The following DYSF variants were observed in gnomAD, a reference collection of about 807,000 sequenced individuals.
DYSF encodes the protein dysferlin.
A neutral mutation model predicts 274.9 loss-of-function variants in DYSF; 212 were observed. The ratio of observed to expected loss-of-function variants is 0.77; its 90% CI spans 0.69 to 0.86. The LOEUF (loss-of-function observed/expected upper bound fraction) is 0.86. Among genes scored for constraint, DYSF ranks in the 40% least tolerant of loss-of-function variants. DYSF has a pLI of 0.00. For missense variants in DYSF, 2,666 were observed against 2,783.2 expected (o/e 0.96, Z 0.95); for synonymous variants, 1,091 against 1,078.7 (o/e 1.01, Z -0.22).
At chr2:71,527,093 G>C (rs1320659244) in intron 13 of DYSF, among the ~76,000 whole-genome samples, 1 of 152,194 alleles carries the variant, frequency 6.6e-6, no homozygotes, top group African/African-American at 2.4e-5. Context: ...AATTCCCTGG[G>C]AAGATTCAAA....
rs200789688 is a variant in DYSF, at chr2:71,513,690, G to T, written c.554-26G>T. The T allele has an allele frequency of 3.7e-6, 6 of 1,611,910 alleles. No individual in the cohort carries two copies. In the African/African-American group the frequency reaches 4.0e-5, roughly 11 times the overall value. On this transcript the variant is annotated intron_variant, in intron 6 of 55. Coordinates refer to ENST00000410020, the MANE Select transcript of DYSF (RefSeq NM_001130987.2). ...CAGGGGCAGGGCCAGAGGGATCCAGGCCTCATTAGGGCCCTCTCCTCTTAG... is the reference window on the plus strand; with the variant it reads ...CAGGGGCAGGGCCAGAGGGATCCAGTCCTCATTAGGGCCCTCTCCTCTTAG...
rs528489776 is a variant in DYSF at position 71,513,259 on chromosome 2, C to T, written c.480C>T (p.Ala160=). The change falls in exon 6 of 56, where the codon GCC becomes GCT. Residue 160 remains alanine, a synonymous_variant. Coordinates refer to ENST00000410020, the MANE Select transcript of DYSF (RefSeq NM_001130987.2). ...DVVAGGGQSR[A]ETWSLLSDST... ...AGACAGGCGGGGGACAGAGCCGGGCCGAGACTTGGTCCCTGCTCAGTGACA... is the reference window on the plus strand; with the variant it reads ...AGACAGGCGGGGGACAGAGCCGGGCTGAGACTTGGTCCCTGCTCAGTGACA... The T allele has an allele frequency of 4.4e-5, 68 of 1,551,566 alleles. No individual in the cohort carries two copies. The African/African-American group carries it at 5.6e-4, about 13-fold the overall frequency.
chr2:71,491,812 A>G (rs1235304539), intron 3 of DYSF, among the ~76,000 whole-genome samples: 1 of 152,180 alleles, frequency 6.6e-6, no homozygotes, highest in East Asian at 1.9e-4. Flanking sequence ...CCAGTCTATC[A>G]TCGATGGGCA....
At chr2:71,507,849 A>G (rs2085653495) in intron 4 of DYSF, among the ~76,000 whole-genome samples, 1 of 152,212 alleles carries the variant, frequency 6.6e-6, no homozygotes, top group Non-Finnish European at 1.5e-5. Flanking sequence ...AAATTCTTAA[A>G]GCTCACTGCA....
chr2:71,515,774 G>A, intron 8 of DYSF, 23 bp downstream of exon 8: 3 of 1,613,914 alleles, frequency 1.9e-6, no homozygotes, highest in South Asian at 2.2e-5. Flanking sequence ...GGGCATGAGG[G>A]CCAGAACCTT....
chr2:71,648,287 G>T (rs974517569), intron 42 of DYSF, among the ~76,000 whole-genome samples: 2 of 152,122 alleles, frequency 1.3e-5, no homozygotes, highest in Non-Finnish European at 2.9e-5. Context: ...TAAAATGAGT[G>T]ATAAACTATG....
At position 71,678,980 on chromosome 2, in the gene DYSF, A is replaced by G. The variant is rs550860800; in HGVS notation, c.5885-77A>G. On this transcript the variant is annotated intron_variant, in intron 52 of 55. Coordinates refer to ENST00000410020, the MANE Select transcript of DYSF (RefSeq NM_001130987.2). ...ACAGAGGTGACTGAGTTTTTCCTGAACCTGCCCTGCCTAAGGGTGGCTACA... is the reference window on the plus strand; with the variant it reads ...ACAGAGGTGACTGAGTTTTTCCTGAGCCTGCCCTGCCTAAGGGTGGCTACA... 6 of 1,414,766 alleles carry G rather than the reference A, an allele frequency of 4.2e-6. No homozygotes were observed. In the East Asian group the frequency reaches 9.1e-5, roughly 21 times the overall value. The allele number at this position is 1,414,766 out of a possible 1,614,324, so 87.6% of individuals were successfully genotyped here.
At chr2:71,530,700 G>T (rs2088595370) in intron 14 of DYSF, among the ~76,000 whole-genome samples, 1 of 152,146 alleles carries the variant, frequency 6.6e-6, no homozygotes, top group East Asian at 1.9e-4. Flanking sequence ...CTCCTCGGTG[G>T]ACCCCAGGCC....
At chr2:71,634,982 G>A (rs2094374946) in intron 41 of DYSF, among the ~76,000 whole-genome samples, 1 of 152,118 alleles carries the variant, frequency 6.6e-6, no homozygotes, top group Admixed American at 6.5e-5. Flanking sequence ...GACACTCTGG[G>A]GTCTGTGGGA....
chr2:71,504,296 C>CCT (rs59826438), intron 4 of DYSF, among the ~76,000 whole-genome samples: 147 of 152,224 alleles, frequency 9.7e-4, no homozygotes, highest in African/African-American at 3.3e-3. Context: ...AGTCTGCTGC[C>CCT]CTCTCGGTGC....
chr2:71,468,745 C>G (rs572397517), intron 1 of DYSF, among the ~76,000 whole-genome samples: 123 of 152,340 alleles, frequency 8.1e-4, no homozygotes, highest in Non-Finnish European at 1.6e-3. Flanking sequence ...AGTCTCTCCT[C>G]TCTGGATGAC....
chr2:71,585,107 G>C (rs1326225341), intron 30 of DYSF, among the ~76,000 whole-genome samples: 1 of 152,244 alleles, frequency 6.6e-6, no homozygotes, highest in Non-Finnish European at 1.5e-5. Flanking sequence ...GCAATGTCTG[G>C]AGACATTTCT....
intron 4 of DYSF, among the ~76,000 whole-genome samples, chr2:71,509,272 C>T (rs996768673): frequency 1.3e-5 from 2 of 152,184 alleles, no homozygotes; most frequent in African/African-American, 4.8e-5. Context: ...AAGTGATTCT[C>T]CCACCTCAGC....
chr2:71,515,868 G>A (rs950674082), intron 8 of DYSF, 117 bp downstream of exon 8: 5 of 1,461,134 alleles, frequency 3.4e-6, no homozygotes, highest in Non-Finnish European at 4.6e-6. Flanking sequence ...ACCTTGGGTG[G>A]TGAGATGTGC....
chr2:71,644,936 C>T (rs1010118370), intron 42 of DYSF, among the ~76,000 whole-genome samples: 13 of 152,156 alleles, frequency 8.5e-5, no homozygotes, highest in African/African-American at 3.1e-4. Flanking sequence ...CCCTTATCCC[C>T]CTTGCAGGGT....
chr2:71,573,350 T>A (rs2092588619), intron 29 of DYSF, among the ~76,000 whole-genome samples: 1 of 152,186 alleles, frequency 6.6e-6, no homozygotes, highest in African/African-American at 2.4e-5. Context: ...CCAGCATCCT[T>A]CCTGGAGAGT....
intron 1 of DYSF, among the ~76,000 whole-genome samples, chr2:71,480,412 G>A (rs1401379124): frequency 6.6e-6 from 1 of 151,756 alleles, no homozygotes; most frequent in Non-Finnish European, 1.5e-5. Context: ...ACACCAGCTT[G>A]ATCTAGTGGT....
chr2:71,662,506 A>T (rs988953123), intron 45 of DYSF, among the ~76,000 whole-genome samples: 11 of 146,510 alleles, frequency 7.5e-5, no homozygotes, highest in Non-Finnish European at 1.5e-4. Context: ...ATGTGTGTGT[A>T]TATGTGTATG....
At chr2:71,582,106 C>CAAAAA (rs1159294834) in intron 30 of DYSF, among the ~76,000 whole-genome samples, 6,896 of 35,138 alleles carry the variant, frequency 0.2, 1,119 homozygotes, top group Non-Finnish European at 0.29. Context: ...GACTCCGTCT[C>CAAAAA]AAAAAAAAAA....
Sources: gnomAD v4.1 joint callset for allele counts (sites outside exome capture counted in the v4.1 genomes callset) on GRCh38, gnomAD v4.1.1 for gene constraint, MANE v1.5 for transcripts, NCBI Gene and HGNC (gene_info 2026-07-23, HGNC 2026-07-21) for gene names.